MYO18B: variants seen among roughly 807,000 people sequenced by gnomAD.
MYO18B encodes myosin XVIIIB.
MYO18B carries 204 observed loss-of-function variants against 273.0 expected under a neutral mutation model. The ratio of observed to expected loss-of-function variants is 0.75; its 90% CI spans 0.67 to 0.84. MYO18B has a LOEUF of 0.84. MYO18B is among the 40% of genes least tolerant of loss of function. MYO18B has a pLI of 0.00. For missense variants in MYO18B, 3,212 were observed against 3,287.6 expected, an observed-to-expected ratio of 0.98 and a Z score of 0.56; for synonymous variants, 1,330 against 1,305.7, an observed-to-expected ratio of 1.02 and a Z score of -0.40.
intron 34 of MYO18B, among the ~76,000 whole-genome samples, chr22:25,935,387 C>T (rs1416727683): frequency 6.6e-6 from 1 of 152,164 alleles, no homozygotes; most frequent in Non-Finnish European, 1.5e-5. Flanking sequence ...GCATGCCCTC[C>T]TGAGGCAACC....
intron 34 of MYO18B, among the ~76,000 whole-genome samples, chr22:25,939,955 G>A (rs1032923701): frequency 1.3e-5 from 2 of 152,190 alleles, no homozygotes; most frequent in African/African-American, 2.4e-5. Context: ...CTGAAAGTTA[G>A]ATGAATTAAT....
At chr22:26,037,467 G>A in the MYO18B span, among the ~76,000 whole-genome samples, 25 of 152,144 alleles carry the variant, frequency 1.6e-4, no homozygotes, top group Non-Finnish European at 3.2e-4. Flanking sequence ...TCTTCATTCA[G>A]TGCTCTTCCT....
chr22:26,057,144 G>T, the MYO18B span, among the ~76,000 whole-genome samples: 1 of 151,910 alleles, frequency 6.6e-6, no homozygotes, highest in Non-Finnish European at 1.5e-5. Context: ...TCTTTGATAT[G>T]TTCCCCTCTT....
intron 12 of MYO18B, among the ~76,000 whole-genome samples, chr22:25,812,096 G>C (rs889561788): frequency 6.6e-6 from 1 of 151,954 alleles, no homozygotes; most frequent in African/African-American, 2.4e-5. Context: ...TGGACTCTCT[G>C]TCTGCCATGC....
intron 19 of MYO18B, among the ~76,000 whole-genome samples, chr22:25,846,877 C>T (rs888700588): frequency 5.3e-5 from 8 of 152,192 alleles, no homozygotes; most frequent in East Asian, 3.9e-4. Context: ...GTCACGAGTT[C>T]GAGACCAGCC....
At chr22:25,886,143 T>C (rs2091492270) in intron 25 of MYO18B, among the ~76,000 whole-genome samples, 1 of 152,234 alleles carries the variant, frequency 6.6e-6, no homozygotes, top group African/African-American at 2.4e-5. Flanking sequence ...AGTACCCACT[T>C]CTCAGCATTT....
chr22:25,787,801 G>A (rs1019157008), intron 11 of MYO18B, among the ~76,000 whole-genome samples: 2 of 152,044 alleles, frequency 1.3e-5, no homozygotes, highest in Admixed American at 1.3e-4. Context: ...CCTTTACCCC[G>A]TGATCTGGGG....
chr22:25,988,504 T>C (rs2157537), intron 39 of MYO18B, among the ~76,000 whole-genome samples: 79,885 of 151,900 alleles, frequency 0.53, 22,005 homozygotes, highest in Non-Finnish European at 0.6. Context: ...GCCTAACTAA[T>C]GATGGCTTTC....
intron 40 of MYO18B, among the ~76,000 whole-genome samples, chr22:25,997,779 T>TC (rs150258570): frequency 0.01 from 1,564 of 152,196 alleles, 28 homozygotes; most frequent in African/African-American, 0.036. Context: ...GTCTATAGTC[T>TC]CCACTTGCTA....
intron 3 of MYO18B, among the ~76,000 whole-genome samples, chr22:25,765,520 C>T (rs73879534): frequency 0.046 from 6,962 of 152,246 alleles, 489 homozygotes; most frequent in African/African-American, 0.15. Context: ...GAAAGTAACC[C>T]GTATTGAATG....
chr22:25,957,161 C>G (rs1032623421), intron 39 of MYO18B, among the ~76,000 whole-genome samples: 1 of 152,224 alleles, frequency 6.6e-6, no homozygotes, highest in African/African-American at 2.4e-5. Flanking sequence ...ACATCCCCAG[C>G]CTTTCTCCTC....
chr22:25,746,224 A>G (rs1018220403), intron 1 of MYO18B, among the ~76,000 whole-genome samples: 1 of 152,210 alleles, frequency 6.6e-6, no homozygotes, highest in African/African-American at 2.4e-5. Context: ...ATAGAAGAGG[A>G]AACTCAGCAT....
chr22:25,769,039 G>C lies in MYO18B; in HGVS notation c.1123G>C (p.Ala375Pro). The part of the protein sequence containing the change: ...LGDDLRMGEK[A>P]GELRSTTGKA... ...GGACGATCTGAGAATGGGGGAGAAA[G>C]CAGGTGAGCTTCGGAGCACGACTGG... Residue 375 changes from alanine to proline, a missense_variant, in exon 4 of 44, where the codon GCA becomes CCA. Physicochemically the swap from Ala to Pro is conservative, Grantham distance 27. Coordinates refer to ENST00000335473, the MANE Select transcript of MYO18B (RefSeq NM_032608.7). 6.2e-7 allele frequency: 1 copy of C among 1,611,972 alleles called. No individual in the cohort carries two copies. Among genetic ancestry groups the C allele is most frequent in the East Asian group, 2.2e-5 (1 of 44,822 alleles).
chr22:25,869,908 C>T (rs2091001254), intron 22 of MYO18B, among the ~76,000 whole-genome samples: 1 of 152,204 alleles, frequency 6.6e-6, no homozygotes, highest in Admixed American at 6.5e-5. Flanking sequence ...TTGCAGCATC[C>T]CAAGTCTTTG....
In MYO18B at chr22:25,874,170, T is replaced by C. The variant is rs1019595826; in HGVS notation, c.3952-116T>C. ...CCCCACCTCCCACTTAAAGGGCAACTGCCAACAAATATTGCAGGTGGGTGC... is the reference window on the plus strand; with the variant it reads ...CCCCACCTCCCACTTAAAGGGCAACCGCCAACAAATATTGCAGGTGGGTGC... On this transcript the variant is annotated intron_variant, in intron 22 of 43. Coordinates refer to ENST00000335473, the MANE Select transcript of MYO18B (RefSeq NM_032608.7). The C allele has an allele frequency of 8.5e-6, 11 of 1,299,710 alleles. No individual in the cohort carries two copies. The Admixed American group carries it at 1.2e-4, about 14-fold the overall frequency. The allele number at this position is 1,299,710 out of a possible 1,614,324, so 80.5% of individuals were successfully genotyped here. A position where few individuals can be genotyped will look rare whatever the true frequency, so the allele number is the denominator to read the frequency against.
Position 26,027,518 on chromosome 22 carries a change from T to A in MYO18B, c.7544T>A (p.Ile2515Asn), listed in dbSNP as rs763657203. ...LSDSSSSSGS[I>N]VSFKSADSIK... ...GACTCGTCCTCATCCTCCGGCTCCATCGTGTCCTTCAAAAGTGCTGACAGC... is the reference window on the plus strand; with the variant it reads ...GACTCGTCCTCATCCTCCGGCTCCAACGTGTCCTTCAAAAGTGCTGACAGC... Residue 2515 changes from isoleucine (I) to asparagine (N), a missense_variant, in exon 43 of 44, where the codon ATC (isoleucine) becomes AAC (asparagine). Transcript: ENST00000335473. The surrounding 1 kb of genome is among the most constrained non-coding windows in gnomAD (Gnocchi z 4.1). The A allele has an allele frequency of 1.9e-5, 31 of 1,613,848 alleles. No homozygotes were observed. Among genetic ancestry groups the A allele is most frequent in the Non-Finnish European group, 2.3e-5 (27 of 1,179,884 alleles).
the MYO18B span, among the ~76,000 whole-genome samples, chr22:26,051,255 G>T: frequency 8.3e-5 from 10 of 121,000 alleles, no homozygotes; most frequent in Non-Finnish European, 1.6e-4. Flanking sequence ...ACGGAGTCTC[G>T]CTCTGTTGCC....
chr22:25,811,498 G>A (rs1452603441), intron 12 of MYO18B, among the ~76,000 whole-genome samples: 1 of 152,174 alleles, frequency 6.6e-6, no homozygotes, highest in Non-Finnish European at 1.5e-5. Flanking sequence ...CCAAGCAGCC[G>A]TATCTTCAGG....
chr22:25,764,734 C>T lies in MYO18B; in HGVS notation c.198+1345C>T, dbSNP rs5996971. ...CATAAGTGGGGGCCAAAGTTGACCC[C>T]GGCAGGCTGTTGTTAGGTTATGATG... On this transcript the variant is annotated intron_variant, in intron 3 of 43. Transcript: ENST00000335473. Among the ~76,000 whole-genome samples, 504 of 152,300 alleles carry T rather than the reference C, an allele frequency of 3.3e-3. 3 individuals are homozygous for T. The highest frequency in any genetic ancestry group is 0.011 in the African/African-American group (460 of 41,570).
Sources: gnomAD v4.1 joint callset for allele counts (sites outside exome capture counted in the v4.1 genomes callset) on GRCh38, gnomAD v4.1.1 for gene constraint, Gnocchi (gnomAD v3.1) non-coding constraint, MANE v1.5 for transcripts, NCBI Gene and HGNC (gene_info 2026-07-23, HGNC 2026-07-21) for gene names.